The following ALDH3A1 variants were observed in gnomAD, a reference collection of about 807,000 sequenced individuals.
ALDH3A1 encodes the protein aldehyde dehydrogenase, dimeric NADP-preferring.
ALDH3A1 carries 46 observed loss-of-function variants against 49.9 expected under a neutral mutation model. The observed-to-expected ratio is 0.92, with a 90% CI of 0.73 to 1.18. The LOEUF (loss-of-function observed/expected upper bound fraction) is 1.18, where lower values mean the gene tolerates loss of function less well. ALDH3A1 is among the 50% of genes most tolerant of loss of function. The pLI is 0.00. For missense variants in ALDH3A1, 592 were observed against 611.8 expected, an observed-to-expected ratio of 0.97 and a Z score of 0.34; for synonymous variants, 269 against 253.3, an observed-to-expected ratio of 1.06 and a Z score of -0.59.
At chr17:19,740,724 C>T (rs1033059629) in intron 6 of ALDH3A1, among the ~76,000 whole-genome samples, 4 of 151,976 alleles carry the variant, frequency 2.6e-5, no homozygotes. Context: ...AATCATAGCT[C>T]ACTGCAGCCT....
intron 2 of ALDH3A1, chr17:19,744,538 G>A: frequency 2.0e-6 from 2 of 985,476 alleles, no homozygotes; most frequent in Non-Finnish European, 2.4e-6. Flanking sequence ...GAGGTGTCTG[G>A]TCTTGCTCAG....
rs1329782817 is a variant in ALDH3A1, at chr17:19,743,063, G to A, written c.394+169C>T. 16 of 1,533,878 alleles carry A rather than the reference G, an allele frequency of 1.0e-5. No homozygotes were observed. In the Admixed American group the frequency reaches 3.1e-4, roughly 30 times the overall value. Reference sequence around the variant, plus strand: ...GACACCTGAGCCTGACTGGACCTCAGGCACCAAGAGGCCTGGCTAAACAGC... The same window carrying A: ...GACACCTGAGCCTGACTGGACCTCAAGCACCAAGAGGCCTGGCTAAACAGC... On this transcript the variant is annotated intron_variant, in intron 3 of 10. Coordinates refer to ENST00000225740, the MANE Select transcript of ALDH3A1 (RefSeq NM_000691.5). The surrounding 1 kb of genome is among the most constrained non-coding windows in gnomAD (Gnocchi z 4.4).
intron 7 of ALDH3A1, 183 bp downstream of exon 7, chr17:19,740,153 T>G: frequency 3.1e-6 from 2 of 655,520 alleles, no homozygotes. Flanking sequence ...GATTCTGAGG[T>G]TGAAGCAGGG....
rs1427148925 is a variant in ALDH3A1 at position 19,744,916 on chromosome 17, C to A, written c.162+52G>T. 3.0e-6 allele frequency: 4 copies of A among 1,345,014 alleles called. No individual in the cohort carries two copies. The African/African-American group carries it at 4.7e-5, about 16-fold the overall frequency. The allele number at this position is 1,345,014 out of a possible 1,614,324, so 83.3% of individuals were successfully genotyped here. On this transcript the variant is annotated intron_variant, in intron 2 of 10. Coordinates refer to ENST00000225740, the MANE Select transcript of ALDH3A1 (RefSeq NM_000691.5). Reference sequence around the variant, plus strand: ...ACTCTCCCCAGCCCCTCCCCCCACGCCCCATCGCATGGCCCCGACACTGGC... The same window carrying A: ...ACTCTCCCCAGCCCCTCCCCCCACGACCCATCGCATGGCCCCGACACTGGC...
chr17:19,739,064 C>G lies in ALDH3A1; in HGVS notation c.1148G>C (p.Ser383Thr). The change falls in exon 9 of 11, where the codon AGT (serine) becomes ACT (threonine). Residue 383 changes from serine to threonine, a missense_variant. Transcript: ENST00000225740. ...GACATCGTTGGCCGCCACCCCACCA[C>G]TGGATGTCTCTGCAATCATCTTCTT... ...VIKKMIAETSSGGVAANDVIV... is the reference protein window; with the variant it reads ...VIKKMIAETSTGGVAANDVIV... 1 of 1,613,870 alleles carries G rather than the reference C, an allele frequency of 6.2e-7. No homozygotes were observed. Among genetic ancestry groups the G allele is most frequent in the Non-Finnish European group, 8.5e-7 (1 of 1,179,904 alleles).
chr17:19,741,326 G>C (rs2086488202), intron 5 of ALDH3A1, 116 bp from the exon 6 acceptor site: 1 of 839,348 alleles, frequency 1.2e-6, no homozygotes. Flanking sequence ...CTTGCCACCA[G>C]TGAGTCCTCC....
rs944836357 is a variant in ALDH3A1, at chr17:19,743,734, G to A, written c.163-271C>T. ...GGTGAAGGGACCAGGCATGGGCAACGGAATGGATCCAGGTAGGGGGAATAG... is the reference window on the plus strand; with the variant it reads ...GGTGAAGGGACCAGGCATGGGCAACAGAATGGATCCAGGTAGGGGGAATAG... On this transcript the variant is annotated intron_variant, in intron 2 of 10. Coordinates refer to ENST00000225740, the MANE Select transcript of ALDH3A1 (RefSeq NM_000691.5). This position sits in a 1 kb window ranked among gnomAD's most constrained non-coding sequence, Gnocchi z 4.4. 3.3e-5 allele frequency: 33 copies of A among 985,110 alleles called. No individual in the cohort carries two copies. In the East Asian group the frequency reaches 4.6e-4, roughly 14 times the overall value. 61.0% of individuals were successfully genotyped at this position (985,110 alleles called of 1,614,324 possible).
chr17:19,746,727 G>A (rs772236528), intron 1 of ALDH3A1, among the ~76,000 whole-genome samples: 24 of 151,120 alleles, frequency 1.6e-4, no homozygotes, highest in Admixed American at 1.3e-4. Context: ...GTGTGTGTGC[G>A]CGCGTGTGCG....
In ALDH3A1 at chr17:19,743,411, T is replaced by G. The variant is rs753968946; in HGVS notation, c.215A>C (p.Glu72Ala). The change falls in exon 3 of 11, where the codon GAG becomes GCG. Residue 72 changes from glutamate (E) to alanine (A), a missense_variant. Glu to Ala is a moderately radical substitution (Grantham distance 107). Coordinates refer to ENST00000225740, the MANE Select transcript of ALDH3A1 (RefSeq NM_000691.5). The surrounding 1 kb of genome is among the most constrained non-coding windows in gnomAD (Gnocchi z 4.4). ...CTCAGGGAGCTTCTGGATCATGTAC[T>G]CGATCTCCTCTAGGACGTACACCAC... ...EEVVYVLEEI[E>A]YMIQKLPEWA... The G allele has an allele frequency of 6.2e-7, 1 of 1,614,016 alleles. No individual in the cohort carries two copies. Among genetic ancestry groups the G allele is most frequent in the South Asian group, 1.1e-5 (1 of 91,068 alleles).
chr17:19,743,471 G>C lies in ALDH3A1; in HGVS notation c.163-8C>G. 4 of 1,584,462 alleles carry C rather than the reference G, an allele frequency of 2.5e-6. No individual in the cohort carries two copies. The highest frequency in any genetic ancestry group is 3.4e-6 in the Non-Finnish European group (4 of 1,162,630). On this transcript the variant is annotated splice_region_variant and splice_polypyrimidine_tract_variant and intron_variant, in intron 2 of 10. Transcript: ENST00000225740. The surrounding 1 kb of genome is among the most constrained non-coding windows in gnomAD (Gnocchi z 4.4). ...GTAGGCGTTCCATTCATTCTGCAGC[G>C]ACAGAGCCGGAGTGAGCTTCCAGGG...
At position 19,743,191 on chromosome 17, in the gene ALDH3A1, G is replaced by T; in HGVS notation, c.394+41C>A. ...ATCCTGGCTTGGCTCCACGCTGGGG[G>T]ACGGTGCTCCCCCAGCTTCCCTTCC... On this transcript the variant is annotated intron_variant, in intron 3 of 10. Coordinates refer to ENST00000225740, the MANE Select transcript of ALDH3A1 (RefSeq NM_000691.5). The surrounding 1 kb of genome is among the most constrained non-coding windows in gnomAD (Gnocchi z 4.4). 1 of 1,609,862 alleles carries T rather than the reference G, an allele frequency of 6.2e-7. No homozygotes were observed. Among genetic ancestry groups the T allele is most frequent in the Non-Finnish European group, 8.5e-7 (1 of 1,178,654 alleles).
In ALDH3A1 at chr17:19,740,385, G is replaced by C. The variant is rs137909977; in HGVS notation, c.900C>G (p.Gly300=). 8 of 1,613,968 alleles carry C rather than the reference G, an allele frequency of 5.0e-6. No homozygotes were observed. In the African/African-American group the frequency reaches 9.3e-5, roughly 19 times the overall value. The change falls in exon 7 of 11, where the codon GGC becomes GGG. Residue 300 remains glycine, a synonymous_variant. Coordinates refer to ENST00000225740, the MANE Select transcript of ALDH3A1 (RefSeq NM_000691.5). The stretch of plus-strand genomic sequence containing the variant: ...CGGTGCCCCCATAAGCCACCTTCTG[G>C]CCCTCAATCAGGCCCATCACCCTCT... ...HFQRVMGLIE[G]QKVAYGGTGD...
chr17:19,744,917 C>CCCCCCCCCCCCA, intron 2 of ALDH3A1, 51 bp downstream of exon 2: 1 of 1,360,564 alleles, frequency 7.3e-7, no homozygotes, highest in Non-Finnish European at 9.6e-7. Flanking sequence ...CCCCCCACGC[C>CCCCCCCCCCCCA]CCATCGCATG....
At chr17:19,742,718 C>T (rs2086520600) in intron 3 of ALDH3A1, 88 bp from the exon 4 acceptor site, 2 of 1,600,720 alleles carry the variant, frequency 1.2e-6, no homozygotes, top group East Asian at 4.5e-5. Flanking sequence ...GCCTCCCCTC[C>T]ATTGTGTGTC....
At position 19,742,132 on chromosome 17, in the gene ALDH3A1, C is replaced by CGTGTAG; in HGVS notation, c.560_561insCTACAC (p.Tyr186_Thr187dup). 2 of 1,614,068 alleles carry CGTGTAG rather than the reference C, an allele frequency of 1.2e-6. No individual in the cohort carries two copies. The highest frequency in any genetic ancestry group is 1.7e-6 in the Non-Finnish European group (2 of 1,180,010). On this transcript the variant is annotated inframe_insertion, in exon 5 of 11. Coordinates refer to ENST00000225740, the MANE Select transcript of ALDH3A1 (RefSeq NM_000691.5). The stretch of plus-strand genomic sequence containing the variant: ...TGATCTTCCCCACCCCCGTGCTGCC[C>CGTGTAG]GTGTACAGGATATGGTCGAACCTCT...
intron 5 of ALDH3A1, among the ~76,000 whole-genome samples, chr17:19,741,607 C>T (rs1412911604): frequency 1.3e-5 from 2 of 152,276 alleles, no homozygotes; most frequent in Middle Eastern, 3.4e-3. Flanking sequence ...CCCCGAGCAG[C>T]GGTGGCCCTT....
chr17:19,741,381 T>C (rs1597668115), intron 5 of ALDH3A1, 171 bp from the exon 6 acceptor site: 2 of 574,358 alleles, frequency 3.5e-6, no homozygotes, highest in East Asian at 2.9e-5. Context: ...GCAGACCCAA[T>C]GGCCCTGATC....
intron 1 of ALDH3A1, among the ~76,000 whole-genome samples, chr17:19,745,951 G>A (rs569729158): frequency 3.5e-4 from 54 of 152,352 alleles, no homozygotes; most frequent in Non-Finnish European, 6.2e-4. Flanking sequence ...AAAGAAAGGA[G>A]ACAGTTTAAA....
Position 19,743,835 on chromosome 17 carries a change from T to G in ALDH3A1, c.163-372A>C. On this transcript the variant is annotated intron_variant, in intron 2 of 10. Coordinates refer to ENST00000225740, the MANE Select transcript of ALDH3A1 (RefSeq NM_000691.5). The surrounding 1 kb of genome is among the most constrained non-coding windows in gnomAD (Gnocchi z 4.4). ...GGGGGATGGATCCGGGGAGGGGGGA[T>G]AGATTCGGGCACTGGGAGCTGGATC... is the stretch of plus-strand genomic sequence containing the variant. 1.2e-6 allele frequency: 1 copy of G among 829,670 alleles called. No homozygotes were observed. The highest frequency in any genetic ancestry group is 1.9e-5 in the African/African-American group (1 of 51,550). 51.4% of individuals were successfully genotyped at this position (829,670 alleles called of 1,614,324 possible). A position where few individuals can be genotyped will look rare whatever the true frequency, so the allele number is the denominator to read the frequency against.
Sources: gnomAD v4.1 joint callset for allele counts (sites outside exome capture counted in the v4.1 genomes callset) on GRCh38, gnomAD v4.1.1 for gene constraint, Gnocchi (gnomAD v3.1) non-coding constraint, MANE v1.5 for transcripts, NCBI Gene and HGNC (gene_info 2026-07-23, HGNC 2026-07-21) for gene names.